IQCE: variants seen among roughly 807,000 people sequenced by gnomAD.
IQCE encodes the protein IQ domain-containing protein E.
In IQCE, 115 loss-of-function variants were observed where a neutral mutation model predicts 96.0. That is an observed-to-expected ratio of 1.20 (90% CI 1.03 to 1.40). The LOEUF is 1.40. IQCE is among the 40% of genes most tolerant of loss of function. The pLI, the probability that IQCE is intolerant of heterozygous loss-of-function variation, is 0.00. For synonymous variants in IQCE, 412 were observed against 371.2 expected, an observed-to-expected ratio of 1.11 and a Z score of -1.26; for missense variants, 1,041 against 909.1, an observed-to-expected ratio of 1.15 and a Z score of -1.87.
intron 5 of IQCE, chr7:2,572,660 T>A (rs2969042): frequency 0.2 from 95,101 of 484,194 alleles, 10,507 homozygotes; most frequent in East Asian, 0.34. Flanking sequence ...TGATAAAAAG[T>A]CCAAGTCGCA....
chr7:2,603,222 A>T (rs1784555365), intron 18 of IQCE, among the ~76,000 whole-genome samples: 1 of 152,078 alleles, frequency 6.6e-6, no homozygotes, highest in South Asian at 2.1e-4. Context: ...CAGCCTGCCC[A>T]GGCTCCCGGT....
chr7:2,591,616 A>ATTTTT (rs766125885), intron 14 of IQCE, among the ~76,000 whole-genome samples: 1 of 118,672 alleles, frequency 8.4e-6, no homozygotes, highest in African/African-American at 3.2e-5. Flanking sequence ...TCTGCGGGTG[A>ATTTTT]TTTTTTTTTT....
intron 11 of IQCE, 89 bp from the exon 12 acceptor site, chr7:2,586,119 G>A: frequency 8.0e-7 from 1 of 1,257,542 alleles, no homozygotes; most frequent in Non-Finnish European, 1.1e-6. Context: ...AACCAACAGA[G>A]CAAGCTGTGA....
Position 2,578,256 on chromosome 7 carries a change from G to A in IQCE, c.480G>A (p.Gln160=), listed in dbSNP as rs1441179191. 6.8e-6 allele frequency: 11 copies of A among 1,613,514 alleles called. No individual in the cohort carries two copies. Among genetic ancestry groups the A allele is most frequent in the Non-Finnish European group, 9.3e-6 (11 of 1,179,522 alleles). The change falls in exon 7 of 22, where the codon CAG becomes CAA. Residue 160 remains glutamine, a synonymous_variant. Coordinates refer to ENST00000402050, the MANE Select transcript of IQCE (RefSeq NM_152558.5). ...IIELKKSLHV[Q]KSDVDLMRTK... is the part of the protein sequence containing the mutation. ...GTTTTCTTCAGTCATTGCACGTGCAGAAGAGCGACGTGGACCTGATGAGAA... is the reference window on the plus strand; with the variant it reads ...GTTTTCTTCAGTCATTGCACGTGCAAAAGAGCGACGTGGACCTGATGAGAA...
At chr7:2,576,438 A>T (rs1011672472) in intron 6 of IQCE, among the ~76,000 whole-genome samples, 1 of 151,674 alleles carries the variant, frequency 6.6e-6, no homozygotes, top group Non-Finnish European at 1.5e-5. Flanking sequence ...TTTGAGACAG[A>T]GTCTCACTCT....
At chr7:2,600,868 C>T (rs544146368) in intron 17 of IQCE, among the ~76,000 whole-genome samples, 6 of 152,304 alleles carry the variant, frequency 3.9e-5, no homozygotes, top group South Asian at 2.1e-4. Context: ...ACACATGCTC[C>T]GAGGGACCCT....
rs1448936559 is a variant in IQCE, at chr7:2,610,550, C to G, written c.*388C>G. On this transcript the variant is annotated 3_prime_UTR_variant, in exon 22 of 22. Coordinates refer to ENST00000402050, the MANE Select transcript of IQCE (RefSeq NM_152558.5). ...CGCAACCAGCGCCGACACCATGCCCCCTCTTCCTGGTGACACCCTCAACAA... is the reference window on the plus strand; with the variant it reads ...CGCAACCAGCGCCGACACCATGCCCGCTCTTCCTGGTGACACCCTCAACAA... The G allele has an allele frequency of 1.0e-5, 2 of 197,284 alleles. No homozygotes were observed. The highest frequency in any genetic ancestry group is 4.7e-5 in the African/African-American group (2 of 42,462). 12.2% of individuals were successfully genotyped at this position (197,284 alleles called of 1,614,324 possible).
chr7:2,578,132 G>A, intron 6 of IQCE, 110 bp from the exon 7 acceptor site: 1 of 784,016 alleles, frequency 1.3e-6, no homozygotes, highest in Non-Finnish European at 2.1e-6. Flanking sequence ...GTGGGGACGT[G>A]TGTGCGGCGT....
At chr7:2,586,521 TGCC>T in intron 12 of IQCE, 150 bp downstream of exon 12, 2 of 811,898 alleles carry the variant, frequency 2.5e-6, no homozygotes, top group Non-Finnish European at 3.8e-6. Context: ...TGCCAGCACC[TGCC>T]GCGGGCCACG....
chr7:2,589,993 G>C lies in IQCE; in HGVS notation c.1131G>C (p.Ala377=). The C allele has an allele frequency of 1.2e-6, 2 of 1,613,932 alleles. No individual in the cohort carries two copies. The highest frequency in any genetic ancestry group is 1.1e-5 in the South Asian group (1 of 91,086). Residue 377 remains alanine (A), a synonymous_variant, in exon 14 of 22, where the codon GCG becomes GCC. Transcript: ENST00000402050. ...CAGCCTGCCTTGCATCCAGCTCTGCGCTGCACAGACAGCCACGAGGGGACC... is the reference window on the plus strand; with the variant it reads ...CAGCCTGCCTTGCATCCAGCTCTGCCCTGCACAGACAGCCACGAGGGGACC... ...HPPACLASSS[A]LHRQPRGDRN...
At chr7:2,592,455 C>T (rs1002806927) in intron 14 of IQCE, among the ~76,000 whole-genome samples, 1 of 152,200 alleles carries the variant, frequency 6.6e-6, no homozygotes. Flanking sequence ...GCGAAGCACT[C>T]TAGGGTTGCT....
intron 11 of IQCE, 125 bp downstream of exon 11, chr7:2,584,410 A>G (rs1562648024): frequency 6.9e-6 from 6 of 863,984 alleles, no homozygotes; most frequent in African/African-American, 1.7e-5. Context: ...TGCTGCCAAC[A>G]CTGCACCTGT....
chr7:2,579,490 A>C (rs1782483991), intron 8 of IQCE, among the ~76,000 whole-genome samples: 2 of 152,192 alleles, frequency 1.3e-5, no homozygotes, highest in Admixed American at 6.5e-5. Flanking sequence ...ATACAAAAAA[A>C]ACTATAAATC....
At chr7:2,567,033 G>T in intron 1 of IQCE, 83 bp from the exon 2 acceptor site, 1 of 1,116,184 alleles carries the variant, frequency 9.0e-7, no homozygotes, top group East Asian at 2.4e-5. Flanking sequence ...AGCTGTGGAC[G>T]GGCTGTTTTC....
chr7:2,560,436 G>C (rs1780858692), intron 1 of IQCE, among the ~76,000 whole-genome samples: 1 of 152,188 alleles, frequency 6.6e-6, no homozygotes, highest in South Asian at 2.1e-4. Flanking sequence ...GGAGACCACA[G>C]GGTTCAGCAC....
rs985288855 is a variant in IQCE at position 2,613,331 on chromosome 7, A to C, written c.*3169A>C. On this transcript the variant is annotated 3_prime_UTR_variant, in exon 22 of 22. Transcript: ENST00000402050. Reference sequence around the variant, plus strand: ...TCCCCAACTCCTCCCCTAGAGGCCTATTCCCGCTGCTCACAGACCTCAGCA... The same window carrying C: ...TCCCCAACTCCTCCCCTAGAGGCCTCTTCCCGCTGCTCACAGACCTCAGCA... 6.6e-6 allele frequency: 1 copy of C among 152,402 alleles called. No homozygotes were observed. Among genetic ancestry groups the C allele is most frequent in the African/African-American group, 2.4e-5 (1 of 41,450 alleles). The allele number at this position is 152,402 out of a possible 1,614,324, so 9.4% of individuals were successfully genotyped here.
rs1054261754 is a variant in IQCE, at chr7:2,598,628, A to C, written c.1604A>C (p.His535Pro). The C allele has an allele frequency of 1.3e-6, 2 of 1,548,538 alleles. No homozygotes were observed. Residue 535 changes from histidine (H) to proline (P), a missense_variant, in exon 17 of 22, where the codon CAC becomes CCC. By Grantham distance (77) the His-to-Pro change is moderately conservative (BLOSUM62 -2). Coordinates refer to ENST00000402050, the MANE Select transcript of IQCE (RefSeq NM_152558.5). ...CAGGCCCAGTGGAAGGTGTACAAGC[A>C]CAAGGTGAGGCTCCCCGGGGCGACC... is the stretch of plus-strand genomic sequence containing the variant. ...VLQAQWKVYK[H>P]KKKKAVLDEA...
intron 13 of IQCE, among the ~76,000 whole-genome samples, chr7:2,588,951 C>T (rs1189652202): frequency 6.6e-6 from 1 of 152,064 alleles, no homozygotes; most frequent in Non-Finnish European, 1.5e-5. Context: ...AGTCGTGAGC[C>T]ACCGCGCCTG....
chr7:2,599,471 C>T (rs1278429820), intron 17 of IQCE, among the ~76,000 whole-genome samples: 4 of 152,154 alleles, frequency 2.6e-5, no homozygotes, highest in Admixed American at 6.6e-5. Flanking sequence ...GCCAGGATTA[C>T]AGGCATGAGC....
Sources: allele counts gnomAD v4.1 joint callset (sites outside exome capture counted in the v4.1 genomes callset), GRCh38; gene constraint gnomAD v4.1.1; transcripts MANE v1.5; gene names NCBI Gene and HGNC (gene_info 2026-07-23, HGNC 2026-07-21).